CPEB1: variants seen among roughly 807,000 people sequenced by gnomAD.
CPEB1 encodes the protein cytoplasmic polyadenylation element-binding protein 1.
Under a neutral mutation model 65.8 loss-of-function variants are expected in CPEB1, and 7 were observed. The ratio of observed to expected loss-of-function variants is 0.11; its 90% CI spans 0.06 to 0.20. The LOEUF (loss-of-function observed/expected upper bound fraction) is 0.20. Among genes scored for constraint, CPEB1 ranks in the 10% least tolerant of loss-of-function variants. CPEB1 has a pLI of 1.00. For synonymous variants in CPEB1, 262 were observed against 260.0 expected (o/e 1.01, Z -0.08); for missense variants, 551 against 712.2 (o/e 0.77, Z 2.58).
At chr15:82,594,467 A>G (rs756790737) in intron 3 of CPEB1, among the ~76,000 whole-genome samples, 2 of 152,214 alleles carry the variant, frequency 1.3e-5, no homozygotes, top group African/African-American at 4.8e-5. Flanking sequence ...GCCTTCTCAG[A>G]AGAGTGTTAG....
chr15:82,552,807 C>T (rs139438622), intron 8 of CPEB1, among the ~76,000 whole-genome samples, 191 bp from the exon 9 acceptor site: 3 of 152,322 alleles, frequency 2.0e-5, no homozygotes, highest in African/African-American at 7.2e-5. Flanking sequence ...GGGCCTCCCT[C>T]CCACCCTGGT....
At chr15:82,604,934 C>T (rs1305638462) in intron 3 of CPEB1, among the ~76,000 whole-genome samples, 1 of 152,044 alleles carries the variant, frequency 6.6e-6, no homozygotes, top group Admixed American at 6.6e-5. Context: ...TCAAAGAGAC[C>T]TACACCAAGA....
At chr15:82,627,092 T>C (rs2045843750) in intron 3 of CPEB1, 101 bp downstream of exon 3, 3 of 949,052 alleles carry the variant, frequency 3.2e-6, no homozygotes, top group Admixed American at 2.8e-5. Flanking sequence ...CAACTCAACA[T>C]TGTTCTTCAC....
At position 82,627,282 on chromosome 15, in the gene CPEB1, C is replaced by T. The variant is rs751474815; in HGVS notation, c.182G>A (p.Arg61Gln). The change falls in exon 3 of 13, where the codon CGA becomes CAA. Residue 61 changes from arginine (R) to glutamine (Q), a missense_variant. By Grantham distance (43) the Arg-to-Gln change is conservative. Transcript: ENST00000684509. ...ATTATCCAATATGGCATTTATCCTTCGAAAGATATTGGCATTACTACACGT... is the reference window on the plus strand; with the variant it reads ...ATTATCCAATATGGCATTTATCCTTTGAAAGATATTGGCATTACTACACGT... ...LSTCSNANIFRRINAILDNSL... is the reference protein window; with the variant it reads ...LSTCSNANIFQRINAILDNSL... The T allele has an allele frequency of 7.4e-6, 12 of 1,613,524 alleles. No homozygotes were observed. The highest frequency in any genetic ancestry group is 5.3e-5 in the African/African-American group (4 of 74,906).
intron 1 of CPEB1, among the ~76,000 whole-genome samples, chr15:82,632,051 G>A (rs538223616): frequency 1.7e-4 from 23 of 137,500 alleles, no homozygotes; most frequent in Non-Finnish European, 2.9e-4. Flanking sequence ...GTGTGATCTC[G>A]GCTCACTGCA....
At chr15:82,614,310 A>G (rs893809089) in intron 3 of CPEB1, among the ~76,000 whole-genome samples, 12 of 152,148 alleles carry the variant, frequency 7.9e-5, no homozygotes, top group Non-Finnish European at 1.6e-4. Context: ...CAGCTGTAAT[A>G]TTCTATTTCT....
At chr15:82,641,554 C>G (rs1360621485) in intron 1 of CPEB1, 1 of 152,210 alleles carries the variant, frequency 6.6e-6, no homozygotes, top group Admixed American at 6.5e-5. Context: ...ACAAGTAACA[C>G]TCTTAGTCAA....
intron 6 of CPEB1, 121 bp downstream of exon 6, chr15:82,555,748 TG>T: frequency 1.0e-6 from 1 of 992,594 alleles, no homozygotes; most frequent in Non-Finnish European, 1.5e-6. Context: ...TTTGCAGATC[TG>T]GAGACTTCAC....
At chr15:82,628,592 T>C (rs755801940) in intron 1 of CPEB1, 36 bp from the exon 2 acceptor site, 18 of 602,714 alleles carry the variant, frequency 3.0e-5, no homozygotes, top group East Asian at 2.8e-4. Flanking sequence ...TGGTACCACA[T>C]AGAAACATTT....
chr15:82,641,237 A>AAAAAAAC (rs1399359287), intron 1 of CPEB1, among the ~76,000 whole-genome samples: 2 of 152,162 alleles, frequency 1.3e-5, no homozygotes, highest in African/African-American at 4.8e-5. Context: ...CAGCTTTAAA[A>AAAAAAAC]AAAAACAAAA....
chr15:82,598,793 AAAC>A (rs1055801035), intron 3 of CPEB1, among the ~76,000 whole-genome samples: 2 of 152,088 alleles, frequency 1.3e-5, no homozygotes, highest in African/African-American at 4.8e-5. Flanking sequence ...TGAAAAACAA[AAAC>A]AAACAAAAAA....
chr15:82,639,511 T>C (rs2046932496), intron 1 of CPEB1, among the ~76,000 whole-genome samples: 1 of 152,038 alleles, frequency 6.6e-6, no homozygotes. Flanking sequence ...CCACTTAACT[T>C]AGTATCTGAC....
intron 3 of CPEB1, among the ~76,000 whole-genome samples, chr15:82,617,044 C>A (rs783526): frequency 0.4 from 60,701 of 152,012 alleles, 12,179 homozygotes; most frequent in South Asian, 0.49. Flanking sequence ...GTTTAATACC[C>A]TTTTGAAATC....
rs961885258 is a variant in CPEB1 at position 82,625,400 on chromosome 15, C to T, written c.271+1793G>A. On this transcript the variant is annotated intron_variant, in intron 3 of 12. Coordinates refer to ENST00000684509, the MANE Select transcript of CPEB1 (RefSeq NM_001365242.1). ...TAATATGCCTCTCCCTCAAACATTA[C>T]GCTATTTACTGCTCACATACTCCTG... 2.6e-5 allele frequency among the ~76,000 whole-genome samples: 4 copies of T among 151,990 alleles called. No individual in the cohort carries two copies. In the East Asian group the frequency reaches 5.8e-4, roughly 22 times the overall value.
At chr15:82,604,991 AAG>A (rs1360092956) in intron 3 of CPEB1, among the ~76,000 whole-genome samples, 2 of 152,224 alleles carry the variant, frequency 1.3e-5, no homozygotes, top group African/African-American at 4.8e-5. Flanking sequence ...GCAAAACTGC[AAG>A]AGAGAAGCAA....
At chr15:82,628,021 A>T in intron 2 of CPEB1, 2 of 583,858 alleles carry the variant, frequency 3.4e-6, no homozygotes, top group Non-Finnish European at 6.0e-6. Context: ...CTCCAGATCA[A>T]GGGGTCATAA....
At position 82,619,381 on chromosome 15, in the gene CPEB1, C is replaced by T. The variant is rs150714531; in HGVS notation, c.271+7812G>A. Among the ~76,000 whole-genome samples, 5 of 152,188 alleles carry T rather than the reference C, an allele frequency of 3.3e-5. No individual in the cohort carries two copies. The East Asian group carries it at 9.7e-4, about 29-fold the overall frequency. On this transcript the variant is annotated intron_variant, in intron 3 of 12. Transcript: ENST00000684509. ...ACTACCTTCATGACCTTGGAATAGG[C>T]AAATATTTCTTAAACAGGCCACAAG...
intron 1 of CPEB1, among the ~76,000 whole-genome samples, chr15:82,634,896 C>T (rs112456754): frequency 0.012 from 1,883 of 152,268 alleles, 33 homozygotes; most frequent in African/African-American, 0.042. Context: ...CTCGCTCTGT[C>T]GCCCAGGAGT....
chr15:82,606,858 C>T (rs1195239653), intron 3 of CPEB1, among the ~76,000 whole-genome samples: 1 of 150,632 alleles, frequency 6.6e-6, no homozygotes, highest in African/African-American at 2.5e-5. Flanking sequence ...AGAGGCCAGG[C>T]ATAGTAGCTC....
Sources: allele counts gnomAD v4.1 joint callset (sites outside exome capture counted in the v4.1 genomes callset), GRCh38; gene constraint gnomAD v4.1.1; transcripts MANE v1.5; gene names NCBI Gene and HGNC (gene_info 2026-07-23, HGNC 2026-07-21).